The following DOCK5 variants were observed in gnomAD, a reference collection of about 807,000 sequenced individuals.
DOCK5 encodes the protein dedicator of cytokinesis 5, also known as dedicator of cytokinesis protein 5.
In DOCK5, 142 loss-of-function variants were observed where a neutral mutation model predicts 251.8. That is an observed-to-expected ratio of 0.56 (90% CI 0.49 to 0.65). The LOEUF is 0.65. Among genes scored for constraint, DOCK5 ranks in the 30% least tolerant of loss-of-function variants. The pLI is 0.00. For synonymous variants in DOCK5, 842 were observed against 835.5 expected, an observed-to-expected ratio of 1.01 and a Z score of -0.13; for missense variants, 2,111 against 2,312.3, an observed-to-expected ratio of 0.91 and a Z score of 1.79.
At chr8:25,408,493 A>G (rs932186480) in intron 49 of DOCK5, among the ~76,000 whole-genome samples, 17 of 152,148 alleles carry the variant, frequency 1.1e-4, no homozygotes, top group African/African-American at 4.1e-4. Context: ...TTTTCCTTCC[A>G]TATCAAGTTG....
intron 22 of DOCK5, among the ~76,000 whole-genome samples, chr8:25,337,842 C>T (rs1030930212): frequency 2.0e-5 from 3 of 152,138 alleles, no homozygotes; most frequent in African/African-American, 7.2e-5. Context: ...GCCTCGGCCT[C>T]CGAAAGTGCT....
chr8:25,288,836 G>C (rs1239448133), intron 5 of DOCK5, among the ~76,000 whole-genome samples: 3 of 152,170 alleles, frequency 2.0e-5, no homozygotes, highest in Non-Finnish European at 4.4e-5. Flanking sequence ...ATTAAAAATA[G>C]TATCTTAAAA....
intron 2 of DOCK5, among the ~76,000 whole-genome samples, chr8:25,253,622 G>T (rs760996533): frequency 6.6e-6 from 1 of 151,894 alleles, no homozygotes; most frequent in African/African-American, 2.4e-5. Flanking sequence ...ATTGATTGAG[G>T]GCAAATGATC....
At chr8:25,271,304 A>G (rs1017785970) in intron 3 of DOCK5, 1 of 152,942 alleles carries the variant, frequency 6.5e-6, no homozygotes, top group East Asian at 1.9e-4. Flanking sequence ...AATTCAATGA[A>G]ATGATGACAC....
At chr8:25,307,886 T>G (rs1804989682) in intron 11 of DOCK5, among the ~76,000 whole-genome samples, 1 of 152,216 alleles carries the variant, frequency 6.6e-6, no homozygotes, top group African/African-American at 2.4e-5. Flanking sequence ...CTTCAAAAAC[T>G]TTACAGTGTT....
At chr8:25,253,885 C>T (rs920079785) in intron 2 of DOCK5, among the ~76,000 whole-genome samples, 2 of 152,142 alleles carry the variant, frequency 1.3e-5, no homozygotes, top group East Asian at 1.9e-4. Flanking sequence ...TTGTGGATAT[C>T]GACAGATGGA....
intron 2 of DOCK5, among the ~76,000 whole-genome samples, chr8:25,266,389 G>C (rs1371080784): frequency 1.3e-5 from 2 of 150,728 alleles, no homozygotes; most frequent in African/African-American, 5.0e-5. Flanking sequence ...CTAATTTTTT[G>C]TATTTTTAGT....
intron 6 of DOCK5, among the ~76,000 whole-genome samples, chr8:25,293,626 T>C (rs1804547678): frequency 6.6e-6 from 1 of 152,154 alleles, no homozygotes; most frequent in African/African-American, 2.4e-5. Context: ...GAATTAATAG[T>C]GCCCTTCCCT....
chr8:25,369,045 AC>A (rs932429383), intron 33 of DOCK5, among the ~76,000 whole-genome samples: 19 of 152,220 alleles, frequency 1.2e-4, no homozygotes, highest in African/African-American at 4.6e-4. Flanking sequence ...GAATTTAAAA[AC>A]CTATCTATTA....
At chr8:25,200,944 T>C (rs1801866445) in intron 1 of DOCK5, among the ~76,000 whole-genome samples, 1 of 152,164 alleles carries the variant, frequency 6.6e-6, no homozygotes, top group Non-Finnish European at 1.5e-5. Flanking sequence ...TCTTGCTTTG[T>C]CACTTAGGCT....
intron 15 of DOCK5, among the ~76,000 whole-genome samples, chr8:25,320,164 T>C (rs1179731071): frequency 6.6e-6 from 1 of 152,202 alleles, no homozygotes; most frequent in African/African-American, 2.4e-5. Context: ...CAAAGTTCAG[T>C]GACTTCCCAG....
intron 15 of DOCK5, among the ~76,000 whole-genome samples, chr8:25,320,074 C>T (rs1407233392): frequency 6.6e-6 from 1 of 152,182 alleles, no homozygotes; most frequent in Non-Finnish European, 1.5e-5. Flanking sequence ...GATCAGTCAT[C>T]TCCTTTGAGC....
intron 31 of DOCK5, 27 bp downstream of exon 31, chr8:25,366,997 G>A (rs77675545): frequency 1.2e-5 from 19 of 1,579,086 alleles, no homozygotes; most frequent in African/African-American, 5.4e-5. Context: ...AGTTAAGATC[G>A]GGAAGGGGCT....
At chr8:25,223,944 A>G (rs1264445141) in intron 1 of DOCK5, among the ~76,000 whole-genome samples, 4 of 152,182 alleles carry the variant, frequency 2.6e-5, no homozygotes, top group Admixed American at 6.5e-5. Flanking sequence ...TACAGCACTT[A>G]TCACCTCCAA....
chr8:25,380,454 A>C (rs903910055), intron 39 of DOCK5, 60 bp downstream of exon 39: 13 of 1,393,154 alleles, frequency 9.3e-6, no homozygotes, highest in Non-Finnish European at 1.3e-5. Context: ...AGCACTCATG[A>C]AAATGTTTCC....
At chr8:25,294,308 C>A (rs1219226966) in intron 6 of DOCK5, among the ~76,000 whole-genome samples, 2 of 152,264 alleles carry the variant, frequency 1.3e-5, no homozygotes, top group East Asian at 1.9e-4. Context: ...TGGAAAGGAA[C>A]CTGCCAGATC....
intron 1 of DOCK5, among the ~76,000 whole-genome samples, chr8:25,242,159 A>G (rs559988150): frequency 6.6e-6 from 1 of 152,328 alleles, no homozygotes; most frequent in African/African-American, 2.4e-5. Context: ...TAATTAAAAA[A>G]AAAACCTTAA....
intron 14 of DOCK5, among the ~76,000 whole-genome samples, chr8:25,318,311 G>A (rs771274182): frequency 2.6e-5 from 4 of 151,732 alleles, no homozygotes; most frequent in Non-Finnish European, 5.9e-5. Flanking sequence ...GGCTGGTCTC[G>A]AACTCCTGAC....
Position 25,342,386 on chromosome 8 carries a change from A to G in DOCK5, c.2511-15A>G, listed in dbSNP as rs765763813. On this transcript the variant is annotated splice_polypyrimidine_tract_variant and intron_variant, in intron 24 of 51. Transcript: ENST00000276440. Reference sequence around the variant, plus strand: ...CAGAACGAAGACACTACTAACCCTGAGGTTTCTCTCCCAGCGTGCTCTTCT... The same window carrying G: ...CAGAACGAAGACACTACTAACCCTGGGGTTTCTCTCCCAGCGTGCTCTTCT... 5 of 1,566,436 alleles carry G rather than the reference A, an allele frequency of 3.2e-6. 1 individual carries two copies. The highest frequency in any genetic ancestry group is 1.2e-5 in the South Asian group (1 of 85,684).
Sources: allele counts gnomAD v4.1 joint callset (sites outside exome capture counted in the v4.1 genomes callset), GRCh38; gene constraint gnomAD v4.1.1; transcripts MANE v1.5; gene names NCBI Gene and HGNC (gene_info 2026-07-23, HGNC 2026-07-21).